Variants in JAKMIP3 observed in about 807,000 individuals in gnomAD.
JAKMIP3 encodes the protein Janus kinase and microtubule interacting protein 3.
JAKMIP3 carries 58 observed loss-of-function variants against 118.5 expected under a neutral mutation model. The observed-to-expected ratio is 0.49, with a 90% CI of 0.40 to 0.61. JAKMIP3 has a LOEUF of 0.61. Ranked by LOEUF, JAKMIP3 falls within the 20% of genes least tolerant of loss-of-function variation. JAKMIP3 has a pLI of 0.00. For synonymous variants in JAKMIP3, 486 were observed against 451.2 expected (o/e 1.08, Z -0.98); for missense variants, 950 against 1,109.0 (o/e 0.86, Z 2.04).
intron 1 of JAKMIP3, among the ~76,000 whole-genome samples, chr10:132,089,194 CT>C (rs147692457): frequency 6.6e-6 from 1 of 152,008 alleles, no homozygotes; most frequent in Non-Finnish European, 1.5e-5. Flanking sequence ...AATGCGGGCC[CT>C]TTTTTGGTTC....
chr10:132,060,624 A>G (rs2038365209), upstream of JAKMIP3, among the ~76,000 whole-genome samples: 1 of 152,214 alleles, frequency 6.6e-6, no homozygotes, highest in Admixed American at 6.5e-5. Context: ...GTTTCGTGTC[A>G]TGGAAAACCT....
intron 2 of JAKMIP3, among the ~76,000 whole-genome samples, chr10:132,108,077 A>G (rs2046197936): frequency 6.6e-6 from 1 of 152,198 alleles, no homozygotes; most frequent in South Asian, 2.1e-4. Flanking sequence ...GTGGGGTTCA[A>G]GATCATGGCT....
chr10:132,076,383 G>T (rs1304710583), intron 1 of JAKMIP3, among the ~76,000 whole-genome samples: 1 of 152,394 alleles, frequency 6.6e-6, no homozygotes, highest in Admixed American at 6.5e-5. Flanking sequence ...CACGTGGATA[G>T]ACCGTTTTTG....
intron 1 of JAKMIP3, among the ~76,000 whole-genome samples, chr10:132,070,233 T>C (rs549116157): frequency 6.6e-6 from 1 of 152,270 alleles, no homozygotes; most frequent in East Asian, 1.9e-4. Flanking sequence ...CTGCAACCTC[T>C]GCCTCCTTGG....
rs1479951719 is a variant in JAKMIP3, at chr10:132,182,988, C to T, written c.*1735C>T. 1 of 152,228 alleles carries T rather than the reference C, an allele frequency of 6.6e-6. No individual in the cohort carries two copies. The highest frequency in any genetic ancestry group is 1.5e-5 in the Non-Finnish European group (1 of 68,052). The allele number at this position is 152,228 out of a possible 1,614,324, so 9.4% of individuals were successfully genotyped here. A position where few individuals can be genotyped will look rare whatever the true frequency, so the allele number is the denominator to read the frequency against. On this transcript the variant is annotated 3_prime_UTR_variant, in exon 24 of 24. Coordinates refer to ENST00000684848, the MANE Select transcript of JAKMIP3 (RefSeq NM_001323087.2). Reference sequence around the variant, plus strand: ...CATTCAAGCCACAGTTCCTGATTTACTCGGCAAGATACTGGGCCAGTTCAG... The same window carrying T: ...CATTCAAGCCACAGTTCCTGATTTATTCGGCAAGATACTGGGCCAGTTCAG...
At position 132,121,872 on chromosome 10, in the gene JAKMIP3, C is replaced by T. The variant is rs897202049; in HGVS notation, c.633+4298C>T. Among the ~76,000 whole-genome samples, 6 of 152,114 alleles carry T rather than the reference C, an allele frequency of 3.9e-5. No individual in the cohort carries two copies. The East Asian group carries it at 9.6e-4, about 24-fold the overall frequency. On this transcript the variant is annotated intron_variant, in intron 3 of 23. Coordinates refer to ENST00000684848, the MANE Select transcript of JAKMIP3 (RefSeq NM_001323087.2). ...CCAAGGTCCACCCTGAGGACAGTCG[C>T]GTCTGGCAGGGCTGGTGAAGGAGGG...
chr10:132,078,745 C>CT (rs1249591673), intron 1 of JAKMIP3, among the ~76,000 whole-genome samples: 2 of 151,916 alleles, frequency 1.3e-5, no homozygotes, highest in Admixed American at 6.6e-5. Flanking sequence ...AATTGTTTTT[C>CT]TGTTTGAAAC....
intron 3 of JAKMIP3, among the ~76,000 whole-genome samples, chr10:132,127,827 A>T (rs1418212443): frequency 6.6e-6 from 1 of 152,202 alleles, no homozygotes; most frequent in Non-Finnish European, 1.5e-5. Flanking sequence ...ATTAATATGT[A>T]TCCTTAACTA....
At chr10:132,039,022 G>T (rs915562111) in intron 1 of JAKMIP3, among the ~76,000 whole-genome samples, 3 of 152,180 alleles carry the variant, frequency 2.0e-5, no homozygotes, top group African/African-American at 7.2e-5. Context: ...GGGGAACCAG[G>T]CTCAGGCCAC....
rs186846738 is a variant in JAKMIP3, at chr10:132,162,874, C to T, written c.2221-335C>T. Among the ~76,000 whole-genome samples the T allele has an allele frequency of 1.9e-4, 29 of 151,964 alleles. No individual in the cohort carries two copies. In the East Asian group the frequency reaches 3.3e-3, roughly 17 times the overall value. On this transcript the variant is annotated intron_variant, in intron 19 of 23. Coordinates refer to ENST00000684848, the MANE Select transcript of JAKMIP3 (RefSeq NM_001323087.2). The stretch of plus-strand genomic sequence containing the variant: ...CAGCGTGTGACCCCACACTCAGCTC[C>T]CTCCCACCTTGCTGTATCCCCACAG...
chr10:132,111,820 C>T (rs2046931366), intron 2 of JAKMIP3, among the ~76,000 whole-genome samples: 1 of 151,922 alleles, frequency 6.6e-6, no homozygotes, highest in South Asian at 2.1e-4. Context: ...TTAAACATAC[C>T]CTCTGGCTGC....
At chr10:132,126,741 A>G (rs561365297) in intron 3 of JAKMIP3, among the ~76,000 whole-genome samples, 1 of 137,714 alleles carries the variant, frequency 7.3e-6, no homozygotes, top group African/African-American at 2.5e-5. Context: ...ATAAATCAAA[A>G]TGATCATGTG....
At chr10:132,174,039 G>T (rs1182486889) in intron 23 of JAKMIP3, among the ~76,000 whole-genome samples, 1 of 151,724 alleles carries the variant, frequency 6.6e-6, no homozygotes, top group African/African-American at 2.4e-5. Flanking sequence ...GTGGTGGTGT[G>T]TGGTGTGCCT....
chr10:132,096,631 T>A lies in JAKMIP3; in HGVS notation c.-137-8041T>A, dbSNP rs112070911. On this transcript the variant is annotated intron_variant, in intron 1 of 23. Coordinates refer to ENST00000684848, the MANE Select transcript of JAKMIP3 (RefSeq NM_001323087.2). ...AAAGTTGTGGCTTTGGACCTGGCCG[T>A]GATTTTTTTTTTCTTTTTTAAGTTG... 7.7e-3 allele frequency among the ~76,000 whole-genome samples: 1,175 copies of A among 152,170 alleles called. 22 individuals are homozygous for A. Among genetic ancestry groups the A allele is most frequent in the African/African-American group, 0.027 (1,108 of 41,486 alleles).
chr10:132,092,552 A>T (rs1358482325), intron 1 of JAKMIP3, among the ~76,000 whole-genome samples: 2 of 152,148 alleles, frequency 1.3e-5, no homozygotes, highest in Non-Finnish European at 2.9e-5. Context: ...CTTCCAGTTG[A>T]TCGAATCGGC....
At chr10:132,139,106 ATG>A (rs1320295064) in intron 9 of JAKMIP3, among the ~76,000 whole-genome samples, 2 of 27,368 alleles carry the variant, frequency 7.3e-5, no homozygotes, top group South Asian at 8.5e-4. Flanking sequence ...ATGTGTGTAC[ATG>A]TGTGTGTATG....
At chr10:132,111,604 G>A (rs1215617779) in intron 2 of JAKMIP3, among the ~76,000 whole-genome samples, 1 of 151,914 alleles carries the variant, frequency 6.6e-6, no homozygotes, top group Admixed American at 6.6e-5. Context: ...AGGGAGAAAG[G>A]GGGTTACTGA....
At chr10:132,040,157 G>A (rs1411449227) in intron 1 of JAKMIP3, among the ~76,000 whole-genome samples, 1 of 152,150 alleles carries the variant, frequency 6.6e-6, no homozygotes, top group Non-Finnish European at 1.5e-5. Context: ...GTGAGATGAG[G>A]TTATAGGGTG....
At chr10:132,065,741 G>A (rs1369602634), upstream of JAKMIP3, among the ~76,000 whole-genome samples, 1 of 151,974 alleles carries the variant, frequency 6.6e-6, no homozygotes, top group Non-Finnish European at 1.5e-5. This position sits in a 1 kb window ranked among gnomAD's most constrained non-coding sequence, Gnocchi z 5.6. Context: ...ACCGAGAAGC[G>A]TCTGTTCGCG....
Sources: gnomAD v4.1 joint callset for allele counts (sites outside exome capture counted in the v4.1 genomes callset) on GRCh38, gnomAD v4.1.1 for gene constraint, Gnocchi (gnomAD v3.1) non-coding constraint, MANE v1.5 for transcripts, NCBI Gene and HGNC (gene_info 2026-07-23, HGNC 2026-07-21) for gene names.